The following BBS9 variants were observed in gnomAD, a reference collection of about 807,000 sequenced individuals.
BBS9 encodes Bardet-Biedl syndrome 9.
BBS9 carries 89 observed loss-of-function variants against 117.7 expected under a neutral mutation model. The ratio of observed to expected loss-of-function variants is 0.76; its 90% CI spans 0.64 to 0.90. The LOEUF is 0.90. Among genes scored for constraint, BBS9 ranks in the 40% least tolerant of loss-of-function variants. The probability of loss-of-function intolerance (pLI) is 0.00; values close to 1 mark genes in which losing one functional copy is unlikely to be tolerated. For missense variants in BBS9, 982 were observed against 1,042.2 expected (o/e 0.94, Z 0.80); for synonymous variants, 379 against 370.9 (o/e 1.02, Z -0.25).
At chr7:33,575,900 A>T (rs2129147565) in intron 21 of BBS9, among the ~76,000 whole-genome samples, 1 of 152,238 alleles carries the variant, frequency 6.6e-6, no homozygotes, top group Admixed American at 6.5e-5. Flanking sequence ...TTGATGGAAC[A>T]TATCTCAAAA....
chr7:33,395,640 A>G (rs2128775360), intron 19 of BBS9, among the ~76,000 whole-genome samples: 2 of 152,298 alleles, frequency 1.3e-5, no homozygotes, highest in South Asian at 4.1e-4. Flanking sequence ...TGTATTAGGC[A>G]TAATTTTAAA....
chr7:33,496,928 A>G (rs2129004116), intron 19 of BBS9, among the ~76,000 whole-genome samples: 1 of 152,350 alleles, frequency 6.6e-6, no homozygotes, highest in South Asian at 2.1e-4. Context: ...ATCCAAAGTA[A>G]AAGCTTAGCC....
intron 19 of BBS9, among the ~76,000 whole-genome samples, chr7:33,471,733 C>T (rs1841064653): frequency 6.6e-6 from 1 of 152,142 alleles, no homozygotes; most frequent in African/African-American, 2.4e-5. Context: ...GGCAGCTGGG[C>T]AACAGAGGGT....
intron 8 of BBS9, 127 bp downstream of exon 8, chr7:33,273,322 G>A (rs1297395073): frequency 9.8e-7 from 1 of 1,018,690 alleles, no homozygotes; most frequent in East Asian, 2.5e-5. Context: ...ATATGTAATG[G>A]AAATTTTAAC....
chr7:33,262,698 T>C (rs931188513), intron 6 of BBS9, among the ~76,000 whole-genome samples: 20 of 152,180 alleles, frequency 1.3e-4, no homozygotes, highest in African/African-American at 4.6e-4. Context: ...CTCCCTGTCA[T>C]GCATCTCTCC....
At chr7:33,417,558 C>T (rs1022516902) in intron 19 of BBS9, among the ~76,000 whole-genome samples, 2 of 152,042 alleles carry the variant, frequency 1.3e-5, no homozygotes, top group Non-Finnish European at 2.9e-5. Flanking sequence ...TAGTGACTAC[C>T]GAAAATGCTG....
intron 19 of BBS9, among the ~76,000 whole-genome samples, chr7:33,472,281 A>G (rs1419908): frequency 0.78 from 118,447 of 152,222 alleles, 46,918 homozygotes; most frequent in African/African-American, 0.93. Flanking sequence ...ATGAGGAGCA[A>G]ATGAGAATCT....
intron 19 of BBS9, among the ~76,000 whole-genome samples, chr7:33,439,787 A>G (rs985623766): frequency 6.6e-6 from 1 of 152,172 alleles, no homozygotes; most frequent in African/African-American, 2.4e-5. Context: ...TCGGCCTCCC[A>G]AAGTGTTGGG....
In BBS9 at chr7:33,357,955, T is replaced by C. The variant is rs1819936475; in HGVS notation, c.1653T>C (p.Asp551=). Residue 551 remains aspartate, a synonymous_variant, in exon 16 of 23, where the codon GAT becomes GAC. Coordinates refer to ENST00000242067, the MANE Select transcript of BBS9 (RefSeq NM_198428.3). ...CTGCAAGCCACAAAATTACTATTGA[T>C]ACCAACAAATCTCCAGTCAGTCTTC... ...SKTASHKITI[D]TNKSPVSLLS... is the part of the protein sequence containing the mutation. The C allele has an allele frequency of 6.2e-7, 1 of 1,612,496 alleles. No homozygotes were observed. Among genetic ancestry groups the C allele is most frequent in the African/African-American group, 1.3e-5 (1 of 74,870 alleles).
At chr7:33,186,878 G>A (rs1448545768) in intron 5 of BBS9, among the ~76,000 whole-genome samples, 2 of 152,116 alleles carry the variant, frequency 1.3e-5, no homozygotes, top group Non-Finnish European at 2.9e-5. Context: ...AGTAGCATAA[G>A]CATAGACAAA....
intron 6 of BBS9, among the ~76,000 whole-genome samples, chr7:33,263,651 G>A (rs2128324446): frequency 6.6e-6 from 1 of 152,206 alleles, no homozygotes; most frequent in African/African-American, 2.4e-5. Flanking sequence ...ACTACTATGT[G>A]ATTGATCTCT....
At chr7:33,320,511 C>T (rs1811476949) in intron 9 of BBS9, among the ~76,000 whole-genome samples, 1 of 152,118 alleles carries the variant, frequency 6.6e-6, no homozygotes, top group Non-Finnish European at 1.5e-5. Context: ...ACTTAGGTTG[C>T]TTCCAAATCT....
intron 21 of BBS9, among the ~76,000 whole-genome samples, chr7:33,634,530 T>C (rs1866051795): frequency 6.6e-6 from 1 of 152,192 alleles, no homozygotes; most frequent in Admixed American, 6.5e-5. Context: ...CATAAGAGCA[T>C]TTCTAGACCT....
At chr7:33,621,854 G>T (rs902017163) in intron 21 of BBS9, among the ~76,000 whole-genome samples, 8 of 152,134 alleles carry the variant, frequency 5.3e-5, no homozygotes, top group Admixed American at 4.6e-4. Context: ...TGTCATTTGT[G>T]AAAATGTGGA....
intron 21 of BBS9, among the ~76,000 whole-genome samples, chr7:33,545,262 G>C (rs965693608): frequency 1.3e-5 from 2 of 152,160 alleles, no homozygotes; most frequent in African/African-American, 2.4e-5. Flanking sequence ...AGTTCAGCTA[G>C]AGAATTCCTT....
At chr7:33,384,017 C>G (rs929513443) in intron 18 of BBS9, among the ~76,000 whole-genome samples, 179 bp downstream of exon 18, 1 of 152,178 alleles carries the variant, frequency 6.6e-6, no homozygotes, top group African/African-American at 2.4e-5. Context: ...TGATCAATTA[C>G]AGACATTTAC....
Position 33,408,247 on chromosome 7 carries a change from C to T in BBS9, c.2115+20103C>T, listed in dbSNP as rs934977804. 1.9e-4 allele frequency among the ~76,000 whole-genome samples: 29 copies of T among 152,270 alleles called. No individual in the cohort carries two copies. The South Asian group carries it at 3.5e-3, about 18-fold the overall frequency. ...GGTGTAGGACCCTCTGAGCCAGGTG[C>T]GGGATATAATCTCCTGGTGCGCCGT... On this transcript the variant is annotated intron_variant, in intron 19 of 22. Coordinates refer to ENST00000242067, the MANE Select transcript of BBS9 (RefSeq NM_198428.3).
At chr7:33,334,399 C>A (rs6976753) in intron 9 of BBS9, among the ~76,000 whole-genome samples, 3 of 151,992 alleles carry the variant, frequency 2.0e-5, no homozygotes, top group Non-Finnish European at 4.4e-5. Flanking sequence ...AGAAGCCCCC[C>A]CCAGAGGTCT....
intron 1 of BBS9, among the ~76,000 whole-genome samples, chr7:33,131,462 A>G (rs948667899): frequency 2.6e-5 from 4 of 152,204 alleles, no homozygotes; most frequent in African/African-American, 7.2e-5. Flanking sequence ...CCCTTGTATT[A>G]TTGCCTTCAA....
Sources: allele counts gnomAD v4.1 joint callset (sites outside exome capture counted in the v4.1 genomes callset), GRCh38; gene constraint gnomAD v4.1.1; transcripts MANE v1.5; gene names NCBI Gene and HGNC (gene_info 2026-07-23, HGNC 2026-07-21).